RELCH: variants seen among roughly 807,000 people sequenced by gnomAD.
RELCH encodes the protein RAB11 binding and LisH domain, coiled-coil and HEAT repeat containing.
In RELCH, 41 loss-of-function variants were observed where a neutral mutation model predicts 150.3. The ratio of observed to expected loss-of-function variants is 0.27; its 90% CI spans 0.21 to 0.35. The LOEUF is 0.35. Among genes scored for constraint, RELCH ranks in the 10% least tolerant of loss-of-function variants. RELCH has a pLI of 1.00. For synonymous variants in RELCH, 478 were observed against 531.8 expected (o/e 0.90, Z 1.39); for missense variants, 1,092 against 1,467.8 (o/e 0.74, Z 4.18).
chr18:62,279,885 G>T, intron 23 of RELCH, 29 bp downstream of exon 23: 1 of 1,428,142 alleles, frequency 7.0e-7, no homozygotes, highest in Non-Finnish European at 9.5e-7. Context: ...TTTTATATTC[G>T]GCATCCCTTT....
intron 21 of RELCH, 72 bp from the exon 22 acceptor site, chr18:62,275,302 T>C (rs760710071): frequency 2.0e-5 from 13 of 665,586 alleles, no homozygotes; most frequent in Non-Finnish European, 3.1e-5. Context: ...CTTATAAATA[T>C]CGTGTTTTTC....
In RELCH at chr18:62,275,485, CATG is replaced by C. The variant is rs772440801; in HGVS notation, c.2967+13_2967+15del. On this transcript the variant is annotated intron_variant, in intron 22 of 28. Transcript: ENST00000644646. ...CTAGAATGTTTGAGGTATGTCAACA[CATG>C]CCTCTGTTGGTTTCAATTATAATGA... The C allele has an allele frequency of 1.6e-5, 24 of 1,487,590 alleles. No homozygotes were observed. In the African/African-American group the frequency reaches 2.9e-4, roughly 18 times the overall value. 92.1% of individuals were successfully genotyped at this position (1,487,590 alleles called of 1,614,324 possible).
At chr18:62,279,637 T>C in intron 22 of RELCH, 137 bp from the exon 23 acceptor site, 1 of 597,098 alleles carries the variant, frequency 1.7e-6, no homozygotes, top group Middle Eastern at 4.1e-4. Context: ...AGCAGCAGTA[T>C]TTGCTTAGCT....
At chr18:62,227,546 A>G in intron 6 of RELCH, 52 bp from the exon 7 acceptor site, 1 of 1,554,334 alleles carries the variant, frequency 6.4e-7, no homozygotes. Flanking sequence ...AAACTATGTA[A>G]AAGCGTACAG....
intron 10 of RELCH, among the ~76,000 whole-genome samples, chr18:62,232,679 A>G (rs368761675): frequency 3.9e-5 from 6 of 152,058 alleles, no homozygotes; most frequent in African/African-American, 1.4e-4. Context: ...AGCACTAACT[A>G]TTACTGTAGG....
At chr18:62,298,940 T>G in intron 28 of RELCH, 80 bp downstream of exon 28, 1 of 746,126 alleles carries the variant, frequency 1.3e-6, no homozygotes, top group South Asian at 1.7e-5. Context: ...CAGTGTAATG[T>G]GTCATTTTGT....
rs750654710 is a variant in RELCH, at chr18:62,258,023, G to A, written c.1972G>A (p.Glu658Lys). ...LMEDKADLVREAVIKSLGIIM... is the reference protein window; with the variant it reads ...LMEDKADLVRKAVIKSLGIIM... Reference sequence around the variant, plus strand: ...GGAAGATAAGGCAGATTTGGTAAGAGAAGCTGTTATCAAAAGCCTTGGTAT... The same window carrying A: ...GGAAGATAAGGCAGATTTGGTAAGAAAAGCTGTTATCAAAAGCCTTGGTAT... The change falls in exon 14 of 29, where the codon GAA (glutamate) becomes AAA (lysine). Residue 658 changes from glutamate (E) to lysine (K), a missense_variant. By Grantham distance (56) the Glu-to-Lys change is moderately conservative. This residue lies in a region of RELCH where 707 missense variants were observed against 1,025.4 expected (regional missense o/e 0.69). Transcript: ENST00000644646. 1 of 1,608,418 alleles carries A rather than the reference G, an allele frequency of 6.2e-7. No individual in the cohort carries two copies. Among genetic ancestry groups the A allele is most frequent in the Non-Finnish European group, 8.5e-7 (1 of 1,176,704 alleles).
Position 62,249,918 on chromosome 18 carries a change from C to T in RELCH, c.1734-2746C>T, listed in dbSNP as rs933428610. 1.7e-4 allele frequency among the ~76,000 whole-genome samples: 26 copies of T among 152,120 alleles called. No individual in the cohort carries two copies. The Middle Eastern group carries it at 0.01, about 60-fold the overall frequency. On this transcript the variant is annotated intron_variant, in intron 11 of 28. Coordinates refer to ENST00000644646, the MANE Select transcript of RELCH (RefSeq NM_001346231.2). ...ATATTTGATATAATCAGTTATTTTT[C>T]TTAATGAATCTCAGGCTGCTTTGAT...
intron 1 of RELCH, among the ~76,000 whole-genome samples, chr18:62,192,505 G>T (rs373086162): frequency 6.6e-5 from 10 of 152,122 alleles, no homozygotes; most frequent in Non-Finnish European, 1.3e-4. Flanking sequence ...TTCTTCAAGG[G>T]TTTTCATAGT....
chr18:62,240,986 C>T (rs570788600), intron 10 of RELCH, among the ~76,000 whole-genome samples: 114 of 152,008 alleles, frequency 7.5e-4, no homozygotes, highest in Non-Finnish European at 1.3e-3. Context: ...TGGTCCAGGA[C>T]ACATAGCCCT....
chr18:62,244,771 T>C lies in RELCH; in HGVS notation c.1628T>C (p.Ile543Thr). ...NVLLAKREEL[I>T]PLILCTACLH... ...ACCCTCGTATTTCTTTAGGAGTTGATCCCCCTCATATTGTGTACAGCATGT... is the reference window on the plus strand; with the variant it reads ...ACCCTCGTATTTCTTTAGGAGTTGACCCCCCTCATATTGTGTACAGCATGT... The change falls in exon 11 of 29, where the codon ATC becomes ACC. Residue 543 changes from isoleucine to threonine, a missense_variant. Transcript: ENST00000644646. 2 of 1,605,612 alleles carry C rather than the reference T, an allele frequency of 1.2e-6. No individual in the cohort carries two copies. Among genetic ancestry groups the C allele is most frequent in the Non-Finnish European group, 1.7e-6 (2 of 1,172,704 alleles).
intron 27 of RELCH, among the ~76,000 whole-genome samples, chr18:62,292,546 C>A (rs543323818): frequency 6.6e-6 from 1 of 152,148 alleles, no homozygotes; most frequent in Non-Finnish European, 1.5e-5. Context: ...TCTGCTCTAA[C>A]CCCATGCTGG....
intron 18 of RELCH, 135 bp downstream of exon 18, chr18:62,264,987 G>A: frequency 1.5e-6 from 1 of 665,334 alleles, no homozygotes; most frequent in Non-Finnish European, 2.3e-6. Context: ...AGAATACTAT[G>A]ATAGTAAAAA....
chr18:62,261,115 A>G (rs2043248375), intron 15 of RELCH, among the ~76,000 whole-genome samples: 1 of 152,044 alleles, frequency 6.6e-6, no homozygotes, highest in Admixed American at 6.6e-5. Flanking sequence ...TTCAATCATT[A>G]CACATTGTAT....
rs1041653572 is a variant in RELCH, at chr18:62,305,593, G to C, written c.*59G>C. The C allele has an allele frequency of 2.7e-6, 4 of 1,495,876 alleles. No homozygotes were observed. The highest frequency in any genetic ancestry group is 2.7e-6 in the Non-Finnish European group (3 of 1,117,936). The allele number at this position is 1,495,876 out of a possible 1,614,324, so 92.7% of individuals were successfully genotyped here. A position where few individuals can be genotyped will look rare whatever the true frequency, so the allele number is the denominator to read the frequency against. On this transcript the variant is annotated 3_prime_UTR_variant, in exon 29 of 29. Transcript: ENST00000644646. This position sits in a 1 kb window ranked among gnomAD's most constrained non-coding sequence, Gnocchi z 4.0. ...TGGACCTCAAGCCGACTGGTTCCTT[G>C]TACTTGAAGTACTTGCCTTTTTTGT...
intron 27 of RELCH, among the ~76,000 whole-genome samples, chr18:62,293,976 A>G (rs11873441): frequency 1.7e-4 from 26 of 152,132 alleles, no homozygotes; most frequent in African/African-American, 5.5e-4. Flanking sequence ...AATCTCCTGT[A>G]TGTATTCTTA....
At chr18:62,286,665 G>A (rs1356048481) in intron 25 of RELCH, among the ~76,000 whole-genome samples, 1 of 152,086 alleles carries the variant, frequency 6.6e-6, no homozygotes, top group Non-Finnish European at 1.5e-5. Context: ...TTTCTTCAAA[G>A]AGCCCTGGTT....
intron 16 of RELCH, 134 bp downstream of exon 16, chr18:62,261,792 A>G: frequency 4.4e-6 from 3 of 678,770 alleles, no homozygotes. Flanking sequence ...TGTGTGTAGA[A>G]TCTCATGGTC....
intron 10 of RELCH, among the ~76,000 whole-genome samples, chr18:62,234,053 T>TTGTA (rs1458894043): frequency 5.9e-5 from 9 of 151,930 alleles, no homozygotes; most frequent in Admixed American, 2.0e-4. Context: ...ATTTAATTAT[T>TTGTA]TGTATGTTTT....
Sources: gnomAD v4.1 joint callset for allele counts (sites outside exome capture counted in the v4.1 genomes callset) on GRCh38, gnomAD v4.1.1 for gene constraint, gnomAD v4.1.1 regional missense constraint, Gnocchi (gnomAD v3.1) non-coding constraint, MANE v1.5 for transcripts, NCBI Gene and HGNC (gene_info 2026-07-23, HGNC 2026-07-21) for gene names.